The following CHL1 variants were observed in gnomAD, a reference collection of about 807,000 sequenced individuals.
CHL1 encodes neural cell adhesion molecule L1-like protein.
Under a neutral mutation model 141.9 loss-of-function variants are expected in CHL1, and 96 were observed. The ratio of observed to expected loss-of-function variants is 0.68; its 90% CI spans 0.57 to 0.80. CHL1 has a LOEUF of 0.80. Ranked by LOEUF, CHL1 falls within the 30% of genes least tolerant of loss-of-function variation. The probability of loss-of-function intolerance (pLI) is 0.00; values close to 1 mark genes in which losing one functional copy is unlikely to be tolerated. For synonymous variants in CHL1, 613 were observed against 502.2 expected, an observed-to-expected ratio of 1.22 and a Z score of -2.95; for missense variants, 1,820 against 1,457.2, an observed-to-expected ratio of 1.25 and a Z score of -4.05.
chr3:242,279 T>C (rs1692654788), intron 1 of CHL1, among the ~76,000 whole-genome samples: 1 of 150,980 alleles, frequency 6.6e-6, no homozygotes, highest in Non-Finnish European at 1.5e-5. Context: ...ACCTACAACA[T>C]GAAGGAATGA....
At chr3:352,159 G>A (rs1230983276) in intron 10 of CHL1, among the ~76,000 whole-genome samples, 1 of 152,030 alleles carries the variant, frequency 6.6e-6, no homozygotes, top group African/African-American at 2.4e-5. Context: ...AAAATCAAAT[G>A]CAACTCAGTC....
chr3:372,670 A>T (rs1705786643), intron 15 of CHL1, among the ~76,000 whole-genome samples: 1 of 151,942 alleles, frequency 6.6e-6, no homozygotes, highest in African/African-American at 2.4e-5. Context: ...CATTGTGATC[A>T]CTGGGAGGAG....
intron 10 of CHL1, among the ~76,000 whole-genome samples, chr3:350,126 C>T (rs762508767): frequency 1.5e-4 from 23 of 152,160 alleles, no homozygotes; most frequent in African/African-American, 5.1e-4. Flanking sequence ...AGACTGTATG[C>T]TATAATATTA....
chr3:231,575 C>CT (rs5845954), intron 1 of CHL1, among the ~76,000 whole-genome samples: 23,077 of 100,566 alleles, frequency 0.23, 2,979 homozygotes, highest in South Asian at 0.43. Flanking sequence ...TTATTTCTTC[C>CT]TTTTTTTTTT....
At chr3:360,886 C>A (rs1405532724) in intron 12 of CHL1, among the ~76,000 whole-genome samples, 1 of 150,606 alleles carries the variant, frequency 6.6e-6, no homozygotes, top group African/African-American at 2.5e-5. Context: ...ATGATGATTT[C>A]CAATTTCATC....
chr3:397,463 T>C (rs962497718), intron 24 of CHL1, among the ~76,000 whole-genome samples: 2 of 152,168 alleles, frequency 1.3e-5, no homozygotes, highest in African/African-American at 2.4e-5. Context: ...TATATCATTG[T>C]TAACATTTTC....
intron 1 of CHL1, among the ~76,000 whole-genome samples, chr3:240,810 A>T (rs546589393): frequency 1.2e-4 from 18 of 152,074 alleles, no homozygotes; most frequent in Admixed American, 6.6e-5. Context: ...ATTCTCCTAC[A>T]TGTGGCTTGC....
chr3:227,216 T>C (rs1415417196), intron 1 of CHL1, among the ~76,000 whole-genome samples: 1 of 152,194 alleles, frequency 6.6e-6, no homozygotes, highest in African/African-American at 2.4e-5. Flanking sequence ...AAAATATTCC[T>C]TTCCTGTTTT....
Position 390,736 on chromosome 3 carries a change from G to C in CHL1, c.2506G>C (p.Val836Leu). ...AGCTCCAGTGATCCATGGGGTGGACGTTATAAACAGTACATTAGTTAAAGT... is the reference window on the plus strand; with the variant it reads ...AGCTCCAGTGATCCATGGGGTGGACCTTATAAACAGTACATTAGTTAAAGT... ...DTAPVIHGVD[V>L]INSTLVKVTW... The change falls in exon 21 of 28, where the codon GTT becomes CTT. Residue 836 changes from valine (V) to leucine (L), a missense_variant. Val to Leu is a conservative substitution (Grantham distance 32, BLOSUM62 1). Coordinates refer to ENST00000256509, the MANE Select transcript of CHL1 (RefSeq NM_006614.4). 6.2e-7 allele frequency: 1 copy of C among 1,609,268 alleles called. No homozygotes were observed. The highest frequency in any genetic ancestry group is 8.5e-7 in the Non-Finnish European group (1 of 1,175,652).
At chr3:341,769 C>T in intron 6 of CHL1, 143 bp from the exon 7 acceptor site, 5 of 621,934 alleles carry the variant, frequency 8.0e-6, no homozygotes, top group Non-Finnish European at 1.3e-5. Flanking sequence ...CTCATTGTTC[C>T]TGTAGTAAGA....
chr3:216,339 A>AT (rs1700318332), intron 1 of CHL1, among the ~76,000 whole-genome samples: 1 of 152,182 alleles, frequency 6.6e-6, no homozygotes, highest in South Asian at 2.1e-4. Context: ...TTGTCCTGTG[A>AT]TTTTAACTTT....
intron 2 of CHL1, among the ~76,000 whole-genome samples, chr3:268,227 G>T (rs1695323158): frequency 6.6e-6 from 1 of 152,280 alleles, no homozygotes; most frequent in Non-Finnish European, 1.5e-5. Context: ...CAGTGATGAA[G>T]AAAATGTATT....
intron 1 of CHL1, among the ~76,000 whole-genome samples, chr3:211,667 A>G (rs146384756): frequency 6.6e-6 from 1 of 152,220 alleles, no homozygotes; most frequent in Non-Finnish European, 1.5e-5. Flanking sequence ...TTTTCCCCTC[A>G]CAGTCTTGCC....
intron 2 of CHL1, among the ~76,000 whole-genome samples, chr3:290,311 T>G (rs1269181674): frequency 6.6e-6 from 1 of 152,208 alleles, no homozygotes; most frequent in Non-Finnish European, 1.5e-5. Flanking sequence ...AATTTTGTGA[T>G]TCTCTGCACA....
chr3:401,511 A>G (rs1371757688), intron 26 of CHL1, 115 bp from the exon 27 acceptor site: 3 of 618,650 alleles, frequency 4.8e-6, no homozygotes, highest in South Asian at 2.0e-5. Context: ...CCTCACTGGT[A>G]TCAAAACATT....
intron 1 of CHL1, among the ~76,000 whole-genome samples, chr3:242,154 T>A (rs542868572): frequency 1.3e-5 from 2 of 152,160 alleles, no homozygotes; most frequent in Admixed American, 6.6e-5. Flanking sequence ...AAAAATGAGA[T>A]GAAAAACCAT....
At chr3:285,554 C>A (rs775576492) in intron 2 of CHL1, among the ~76,000 whole-genome samples, 45 of 152,298 alleles carry the variant, frequency 3.0e-4, no homozygotes, top group African/African-American at 1.0e-3. Flanking sequence ...ACAAGTCTCA[C>A]TGGGCTCCAG....
At chr3:250,805 G>A (rs1165752286) in intron 2 of CHL1, among the ~76,000 whole-genome samples, 1 of 152,122 alleles carries the variant, frequency 6.6e-6, no homozygotes, top group Non-Finnish European at 1.5e-5. Flanking sequence ...TGTGTAAAAT[G>A]ACAGTGAAAA....
In CHL1 at chr3:347,942, T is replaced by G. The variant is rs144458013; in HGVS notation, c.849-1417T>G. 2.7e-3 allele frequency among the ~76,000 whole-genome samples: 411 copies of G among 152,328 alleles called. 2 individuals are homozygous for G. Among genetic ancestry groups the G allele is most frequent in the African/African-American group, 9.6e-3 (400 of 41,576 alleles). On this transcript the variant is annotated intron_variant, in intron 9 of 27. Transcript: ENST00000256509. ...AGGAAAAGAGTAGATATATAGAGAT[T>G]AAAGAGCCTTCATCTTTACCTCCAA... is the stretch of plus-strand genomic sequence containing the variant.
Sources: gnomAD v4.1 joint callset for allele counts (sites outside exome capture counted in the v4.1 genomes callset) on GRCh38, gnomAD v4.1.1 for gene constraint, MANE v1.5 for transcripts, NCBI Gene and HGNC (gene_info 2026-07-23, HGNC 2026-07-21) for gene names.